Variants in DNAH11 observed in about 807,000 individuals in gnomAD.
DNAH11 encodes dynein axonemal heavy chain 11, also known as axonemal beta dynein heavy chain 11.
A neutral mutation model predicts 526.0 loss-of-function variants in DNAH11; 442 were observed. The observed-to-expected ratio is 0.84, with a 90% CI of 0.78 to 0.91. The LOEUF (loss-of-function observed/expected upper bound fraction) is 0.91. DNAH11 is among the 40% of genes least tolerant of loss of function. The pLI is 0.00. For missense variants in DNAH11, 6,989 were observed against 5,448.7 expected, an observed-to-expected ratio of 1.28 and a Z score of -8.90; for synonymous variants, 2,461 against 1,935.9, an observed-to-expected ratio of 1.27 and a Z score of -7.12.
At chr7:21,579,194 G>A (rs1481434774) in intron 8 of DNAH11, among the ~76,000 whole-genome samples, 1 of 152,084 alleles carries the variant, frequency 6.6e-6, no homozygotes, top group Non-Finnish European at 1.5e-5. Flanking sequence ...TTCTCATGAT[G>A]CTAATAAAGG....
chr7:21,649,846 A>G (rs996277690), intron 28 of DNAH11, among the ~76,000 whole-genome samples: 1 of 151,952 alleles, frequency 6.6e-6, no homozygotes, highest in Non-Finnish European at 1.5e-5. Context: ...TTGTATTTTT[A>G]GTAGAGATGG....
chr7:21,707,603 C>G, intron 39 of DNAH11, 96 bp from the exon 40 acceptor site: 1 of 1,426,260 alleles, frequency 7.0e-7, no homozygotes, highest in Non-Finnish European at 9.4e-7. Context: ...CATCTAGGAA[C>G]ATATAATGAA....
chr7:21,854,216 T>A, intron 67 of DNAH11, 99 bp from the exon 68 acceptor site: 1 of 1,292,168 alleles, frequency 7.7e-7, no homozygotes, highest in Non-Finnish European at 1.1e-6. Context: ...ATTTTAATAC[T>A]CATAATTTTT....
intron 42 of DNAH11, among the ~76,000 whole-genome samples, chr7:21,712,839 A>G (rs747461558): frequency 2.0e-5 from 3 of 152,252 alleles, no homozygotes; most frequent in Non-Finnish European, 4.4e-5. Flanking sequence ...TAGGCTAATT[A>G]AAAGTTAATT....
intron 65 of DNAH11, among the ~76,000 whole-genome samples, chr7:21,824,962 C>A (rs563978395): frequency 3.0e-4 from 46 of 152,240 alleles, no homozygotes; most frequent in African/African-American, 1.1e-3. Flanking sequence ...ACCTCCACCT[C>A]CCAGGTTCAA....
intron 14 of DNAH11, among the ~76,000 whole-genome samples, chr7:21,593,978 C>G (rs1348872838): frequency 6.6e-6 from 1 of 151,424 alleles, no homozygotes. Flanking sequence ...GTCACATACT[C>G]TCACACACAG....
intron 66 of DNAH11, among the ~76,000 whole-genome samples, chr7:21,850,680 A>C (rs938352243): frequency 6.9e-5 from 10 of 145,802 alleles, no homozygotes; most frequent in Non-Finnish European, 1.2e-4. Flanking sequence ...TGAAAACCAG[A>C]CATGATGTAT....
intron 2 of DNAH11, among the ~76,000 whole-genome samples, chr7:21,548,818 C>A (rs1158564681): frequency 2.6e-5 from 4 of 152,206 alleles, no homozygotes; most frequent in African/African-American, 9.6e-5. Flanking sequence ...GTTCATATTC[C>A]CTATGGAGAA....
At chr7:21,760,643 G>A (rs1029492381) in intron 54 of DNAH11, among the ~76,000 whole-genome samples, 5 of 152,258 alleles carry the variant, frequency 3.3e-5, no homozygotes, top group Non-Finnish European at 2.9e-5. Flanking sequence ...TATATCTTGA[G>A]CACTACTTAT....
chr7:21,894,701 A>T lies in DNAH11; in HGVS notation c.12829A>T (p.Asn4277Tyr). The T allele has an allele frequency of 6.2e-7, 1 of 1,613,958 alleles. No homozygotes were observed. The highest frequency in any genetic ancestry group is 8.5e-7 in the Non-Finnish European group (1 of 1,179,886). Residue 4277 changes from asparagine (N) to tyrosine (Y), a missense_variant, in exon 78 of 82, where the codon AAT (asparagine) becomes TAT (tyrosine). Transcript: ENST00000409508. The stretch of plus-strand genomic sequence containing the variant: ...GGCAGAGATAATGCAAAAAAATTCA[A>T]ATAGAAGCCCATATGTTCTTGTTTG... ...NMAEIMQKNS[N>Y]RSPYVLVCFQ...
intron 62 of DNAH11, among the ~76,000 whole-genome samples, chr7:21,804,572 T>C (rs79518851): frequency 0.02 from 3,010 of 152,258 alleles, 104 homozygotes; most frequent in African/African-American, 0.068. Flanking sequence ...GCAATTCTGT[T>C]CTTCCAGTTT....
chr7:21,882,712 G>A (rs1054177663), intron 75 of DNAH11, among the ~76,000 whole-genome samples: 3 of 152,120 alleles, frequency 2.0e-5, no homozygotes, highest in African/African-American at 7.2e-5. Context: ...TGAGAGGATC[G>A]CTTGAACCCT....
chr7:21,773,682 A>G (rs1437408935), intron 55 of DNAH11, 84 bp from the exon 56 acceptor site: 2 of 1,046,456 alleles, frequency 1.9e-6, no homozygotes, highest in Non-Finnish European at 2.6e-6. Flanking sequence ...TTTTAGAAAA[A>G]AAATGATCAT....
intron 79 of DNAH11, among the ~76,000 whole-genome samples, chr7:21,896,297 A>G (rs939196515): frequency 6.6e-6 from 1 of 152,092 alleles, no homozygotes; most frequent in African/African-American, 2.4e-5. Context: ...GGTGTAAATC[A>G]TCTTGTGTTT....
At chr7:21,833,919 C>G (rs1174818242) in intron 65 of DNAH11, among the ~76,000 whole-genome samples, 1 of 152,068 alleles carries the variant, frequency 6.6e-6, no homozygotes, top group African/African-American at 2.4e-5. Context: ...GACCTCAGCA[C>G]CTTACTTTCA....
At chr7:21,864,759 A>G (rs1226243547) in intron 70 of DNAH11, 102 bp downstream of exon 70, 2 of 1,156,946 alleles carry the variant, frequency 1.7e-6, no homozygotes, top group Admixed American at 2.7e-5. Context: ...TGATGTATTA[A>G]GCACCATTTC....
chr7:21,676,794 G>A (rs1383685050), intron 30 of DNAH11, among the ~76,000 whole-genome samples: 1 of 152,222 alleles, frequency 6.6e-6, no homozygotes, highest in African/African-American at 2.4e-5. Context: ...TGGTAGTGGT[G>A]TAAGATTGGA....
intron 28 of DNAH11, among the ~76,000 whole-genome samples, chr7:21,640,139 G>A (rs1787056665): frequency 6.6e-6 from 1 of 152,200 alleles, no homozygotes. Flanking sequence ...CACTCAGGTA[G>A]TATTGTTTTG....
In DNAH11 at chr7:21,868,915, T is replaced by C; in HGVS notation, c.11891T>C (p.Leu3964Ser). 1 of 1,614,010 alleles carries C rather than the reference T, an allele frequency of 6.2e-7. No homozygotes were observed. The highest frequency in any genetic ancestry group is 8.5e-7 in the Non-Finnish European group (1 of 1,179,882). ...TCTGGAAAATTCCACAATGTGTCTT[T>C]AGGACAAGGTCAGGAGACGGTGGCA... The part of the protein sequence containing the change: ...IDSGKFHNVS[L>S]GQGQETVAEV... The change falls in exon 73 of 82, where the codon TTA becomes TCA. Residue 3964 changes from leucine to serine, a missense_variant. By Grantham distance (145) the Leu-to-Ser change is moderately radical. Transcript: ENST00000409508.
Sources: allele counts gnomAD v4.1 joint callset (sites outside exome capture counted in the v4.1 genomes callset), GRCh38; gene constraint gnomAD v4.1.1; transcripts MANE v1.5; gene names NCBI Gene and HGNC (gene_info 2026-07-23, HGNC 2026-07-21).